Variants in SUGCT observed in about 807,000 individuals in gnomAD.
SUGCT encodes succinyl-CoA:glutarate-CoA transferase.
SUGCT carries 41 observed loss-of-function variants against 55.0 expected under a neutral mutation model. The observed-to-expected ratio is 0.74, with a 90% CI of 0.58 to 0.97. The LOEUF is 0.97. Among genes scored for constraint, SUGCT ranks in the 50% least tolerant of loss-of-function variants. The pLI, the probability that SUGCT is intolerant of heterozygous loss-of-function variation, is 0.00. For synonymous variants in SUGCT, 187 were observed against 200.4 expected, an observed-to-expected ratio of 0.93 and a Z score of 0.56; for missense variants, 568 against 547.8, an observed-to-expected ratio of 1.04 and a Z score of -0.37.
chr7:40,670,113 C>T (rs777524008), intron 12 of SUGCT, among the ~76,000 whole-genome samples: 1 of 138,280 alleles, frequency 7.2e-6, no homozygotes, highest in Non-Finnish European at 1.5e-5. Context: ...CATCAGACAT[C>T]ATGGAAGCTA....
At chr7:40,373,828 G>C (rs957878700) in intron 9 of SUGCT, among the ~76,000 whole-genome samples, 1 of 152,104 alleles carries the variant, frequency 6.6e-6, no homozygotes. Flanking sequence ...ATAGAAATCT[G>C]TAAGAATGTT....
chr7:40,609,550 CAAA>C (rs934513690), intron 12 of SUGCT, among the ~76,000 whole-genome samples: 6 of 70,820 alleles, frequency 8.5e-5, no homozygotes, highest in Non-Finnish European at 5.9e-5. Flanking sequence ...GACTCCATCT[CAAA>C]AAAAAAAAAA....
At chr7:40,360,081 T>G (rs1302861514) in intron 9 of SUGCT, among the ~76,000 whole-genome samples, 1 of 152,214 alleles carries the variant, frequency 6.6e-6, no homozygotes, top group Admixed American at 6.5e-5. Flanking sequence ...TGGCACGATC[T>G]CGGCTCACTG....
intron 7 of SUGCT, among the ~76,000 whole-genome samples, chr7:40,266,840 C>G (rs528796646): frequency 1.3e-5 from 2 of 151,922 alleles, no homozygotes; most frequent in South Asian, 4.2e-4. Flanking sequence ...TATGGTGAAA[C>G]CCCATCTCTA....
At chr7:40,663,578 T>G (rs937933907) in intron 12 of SUGCT, among the ~76,000 whole-genome samples, 1 of 152,020 alleles carries the variant, frequency 6.6e-6, no homozygotes, top group Non-Finnish European at 1.5e-5. Context: ...AGATCCTCTG[T>G]GATGGGGTGG....
chr7:40,482,361 G>C (rs1410103526), intron 11 of SUGCT, among the ~76,000 whole-genome samples: 1 of 147,946 alleles, frequency 6.8e-6, no homozygotes, highest in Non-Finnish European at 1.5e-5. Flanking sequence ...ACAGAATCAT[G>C]GTATGGAGAA....
chr7:40,863,219 G>C (rs1333733323), downstream of SUGCT, among the ~76,000 whole-genome samples: 2 of 152,142 alleles, frequency 1.3e-5, no homozygotes, highest in Non-Finnish European at 2.9e-5. Flanking sequence ...GGGTGACAGA[G>C]CGAGACTCCA....
the SUGCT span, among the ~76,000 whole-genome samples, chr7:40,885,774 A>G: frequency 0.047 from 7,163 of 152,198 alleles, 207 homozygotes; most frequent in East Asian, 0.16. Context: ...GAGGCCACAT[A>G]AAACACTTCC....
intron 12 of SUGCT, among the ~76,000 whole-genome samples, chr7:40,578,039 CAT>C (rs1796865789): frequency 6.6e-6 from 1 of 152,148 alleles, no homozygotes; most frequent in Non-Finnish European, 1.5e-5. Context: ...ACACTGTAGA[CAT>C]AGATTTCTCC....
intron 6 of SUGCT, among the ~76,000 whole-genome samples, chr7:40,215,094 C>G (rs1051653954): frequency 2.6e-5 from 4 of 152,006 alleles, no homozygotes; most frequent in Admixed American, 6.6e-5. Context: ...TAGGGTCTAT[C>G]AAAATTAAAG....
At chr7:40,222,849 C>T (rs887756940) in intron 6 of SUGCT, among the ~76,000 whole-genome samples, 32 of 152,082 alleles carry the variant, frequency 2.1e-4, no homozygotes, top group Admixed American at 2.0e-3. Context: ...AGGATGGTCT[C>T]GATCTCTTGA....
chr7:40,262,771 G>T (rs564444287), intron 7 of SUGCT, among the ~76,000 whole-genome samples: 2 of 152,246 alleles, frequency 1.3e-5, no homozygotes, highest in South Asian at 2.1e-4. Context: ...TTTAGTGATT[G>T]TCTGAAAAGG....
intron 8 of SUGCT, among the ~76,000 whole-genome samples, chr7:40,308,880 T>G (rs976006666): frequency 6.6e-6 from 1 of 152,148 alleles, no homozygotes; most frequent in Non-Finnish European, 1.5e-5. Flanking sequence ...CATGGTGTTG[T>G]GTACCTGTAA....
chr7:40,253,153 T>G (rs1176158051), intron 7 of SUGCT, among the ~76,000 whole-genome samples: 1 of 152,242 alleles, frequency 6.6e-6, no homozygotes, highest in Non-Finnish European at 1.5e-5. Context: ...TGAACCTCCC[T>G]TTTTTCATCT....
chr7:40,145,504 C>G (rs1788197816), intron 1 of SUGCT, among the ~76,000 whole-genome samples: 1 of 151,930 alleles, frequency 6.6e-6, no homozygotes, highest in Non-Finnish European at 1.5e-5. Context: ...AAATTCTCCT[C>G]CCCACTTTTT....
chr7:41,007,435 T>C, the SUGCT span, among the ~76,000 whole-genome samples: 13 of 152,274 alleles, frequency 8.5e-5, no homozygotes, highest in Admixed American at 7.8e-4. Context: ...AAGAATATAC[T>C]CAGCACGGGA....
rs112555656 is a variant in SUGCT at position 40,218,692 on chromosome 7, C to T, written c.485-18943C>T. Among the ~76,000 whole-genome samples the T allele has an allele frequency of 4.3e-4, 66 of 152,090 alleles. 1 individual carries two copies. The highest frequency in any genetic ancestry group is 3.4e-3 in the Middle Eastern group (1 of 294). ...AGAGGATTGTAAACACACCAATCAG[C>T]GCTCTGTGTCTAGCTAAAGGTTTGT... On this transcript the variant is annotated intron_variant, in intron 6 of 13. Coordinates refer to ENST00000335693, the MANE Select transcript of SUGCT (RefSeq NM_001193313.2).
intron 7 of SUGCT, among the ~76,000 whole-genome samples, chr7:40,269,211 T>A (rs1182647693): frequency 6.6e-6 from 1 of 152,228 alleles, no homozygotes; most frequent in Non-Finnish European, 1.5e-5. Context: ...ATGTTGAATA[T>A]CTTTTCATGT....
chr7:40,150,333 G>A (rs113957169), intron 1 of SUGCT, among the ~76,000 whole-genome samples: 1 of 152,092 alleles, frequency 6.6e-6, no homozygotes, highest in African/African-American at 2.4e-5. Context: ...AGCACTCCTG[G>A]CTCACTGGCT....
Sources: allele counts gnomAD v4.1 joint callset (sites outside exome capture counted in the v4.1 genomes callset), GRCh38; gene constraint gnomAD v4.1.1; transcripts MANE v1.5; gene names NCBI Gene and HGNC (gene_info 2026-07-23, HGNC 2026-07-21).